The following ROBO2 variants were observed in gnomAD, a reference collection of about 807,000 sequenced individuals.
ROBO2 encodes roundabout homolog 2.
A neutral mutation model predicts 160.8 loss-of-function variants in ROBO2; 53 were observed. The observed-to-expected ratio is 0.33, with a 90% CI of 0.26 to 0.41. The LOEUF (loss-of-function observed/expected upper bound fraction) is 0.41. ROBO2 is among the 10% of genes least tolerant of loss of function. ROBO2 has a pLI of 1.00. For synonymous variants in ROBO2, 664 were observed against 611.7 expected (o/e 1.09, Z -1.26); for missense variants, 1,577 against 1,722.4 (o/e 0.92, Z 1.49).
intron 2 of ROBO2, among the ~76,000 whole-genome samples, chr3:76,954,038 C>A (rs1174304607): frequency 6.6e-6 from 1 of 152,106 alleles, no homozygotes; most frequent in African/African-American, 2.4e-5. Flanking sequence ...TACAACGAAA[C>A]GAGAGAAAAT....
In ROBO2 at chr3:76,162,680, C is replaced by G. The variant is rs556291596; in HGVS notation, c.109+225078C>G. ...GGAAATATAGGAATCATTTATAAGT[C>G]TATACTGCAAATAAAATGTAACTAT... On this transcript the variant is annotated intron_variant, in intron 2 of 26. Coordinates refer to the ROBO2 transcript ENST00000487694. Among the ~76,000 whole-genome samples, 3 of 152,144 alleles carry G rather than the reference C, an allele frequency of 2.0e-5. No individual in the cohort carries two copies. In the South Asian group the frequency reaches 6.2e-4, roughly 32 times the overall value.
At chr3:76,094,963 G>T (rs2069378588) in intron 2 of ROBO2, among the ~76,000 whole-genome samples, 1 of 152,138 alleles carries the variant, frequency 6.6e-6, no homozygotes. Flanking sequence ...TGAGTTAGGT[G>T]GCGGTAAAGC....
intron 2 of ROBO2, among the ~76,000 whole-genome samples, chr3:76,196,724 C>T (rs1374838509): frequency 2.6e-5 from 4 of 152,084 alleles, no homozygotes; most frequent in Admixed American, 6.6e-5. Context: ...TATATAATTA[C>T]ATCTGAGATG....
intron 2 of ROBO2, among the ~76,000 whole-genome samples, chr3:76,478,842 TA>T (rs1182429352): frequency 6.6e-6 from 1 of 152,024 alleles, no homozygotes; most frequent in African/African-American, 2.4e-5. Context: ...CTGGCTAATT[TA>T]TTTTCTGTAG....
intron 2 of ROBO2, among the ~76,000 whole-genome samples, chr3:77,323,924 T>A (rs1334919307): frequency 6.6e-6 from 1 of 152,222 alleles, no homozygotes; most frequent in Non-Finnish European, 1.5e-5. Context: ...GTACTTTTTT[T>A]AGGTCAATTT....
chr3:76,283,136 G>GTATATATATATATATATATATA (rs547807116), intron 2 of ROBO2, among the ~76,000 whole-genome samples: 7,219 of 63,306 alleles, frequency 0.11, 1,148 homozygotes, highest in Middle Eastern at 0.16. Flanking sequence ...ATATAAAACT[G>GTATATATATATATATATATATA]TATATATATA....
At chr3:76,669,679 A>G (rs1019299167) in intron 2 of ROBO2, among the ~76,000 whole-genome samples, 1 of 152,210 alleles carries the variant, frequency 6.6e-6, no homozygotes, top group Non-Finnish European at 1.5e-5. Flanking sequence ...GACGGGGACC[A>G]TAGTTCTCCC....
intron 2 of ROBO2, among the ~76,000 whole-genome samples, chr3:76,375,485 AAAG>A (rs2076297435): frequency 6.6e-6 from 1 of 152,058 alleles, no homozygotes; most frequent in South Asian, 2.1e-4. Flanking sequence ...AGGCAATTAT[AAAG>A]AAGAATGAGG....
intron 2 of ROBO2, among the ~76,000 whole-genome samples, chr3:77,277,566 T>G (rs2059972005): frequency 6.6e-6 from 1 of 152,148 alleles, no homozygotes; most frequent in African/African-American, 2.4e-5. Context: ...TGGTTTTCTG[T>G]TCCTGTGTTA....
At chr3:76,695,901 T>C (rs1471385329) in intron 2 of ROBO2, among the ~76,000 whole-genome samples, 1 of 152,202 alleles carries the variant, frequency 6.6e-6, no homozygotes, top group African/African-American at 2.4e-5. Flanking sequence ...CAGGCAGTAG[T>C]GCACATTTGA....
chr3:77,213,731 C>T (rs1413554519), intron 2 of ROBO2, among the ~76,000 whole-genome samples: 1 of 151,838 alleles, frequency 6.6e-6, no homozygotes, highest in African/African-American at 2.4e-5. Flanking sequence ...TATAAATTTC[C>T]CTCTACACAC....
intron 16 of ROBO2, among the ~76,000 whole-genome samples, chr3:77,585,538 T>A (rs2094023620): frequency 1.3e-5 from 2 of 152,118 alleles, no homozygotes; most frequent in Admixed American, 6.5e-5. Context: ...AAATAATATA[T>A]CTATCTTTTG....
intron 2 of ROBO2, 131 bp downstream of exon 2, chr3:77,098,471 C>G: frequency 1.1e-6 from 1 of 946,836 alleles, no homozygotes; most frequent in South Asian, 1.5e-5. Flanking sequence ...TGGTCTTCTT[C>G]AGAGAAGTCT....
intron 24 of ROBO2, among the ~76,000 whole-genome samples, chr3:77,640,328 T>C (rs995386665): frequency 2.6e-5 from 4 of 152,178 alleles, no homozygotes; most frequent in Non-Finnish European, 5.9e-5. Flanking sequence ...TTAGCCAGGA[T>C]GGTCTCGATC....
intron 2 of ROBO2, among the ~76,000 whole-genome samples, chr3:76,928,887 C>T (rs2077154194): frequency 6.6e-6 from 1 of 152,134 alleles, no homozygotes; most frequent in African/African-American, 2.4e-5. Flanking sequence ...AATCTCTGGC[C>T]AGACATCTTT....
At chr3:77,557,151 T>G (rs556801035) in intron 8 of ROBO2, among the ~76,000 whole-genome samples, 8 of 151,972 alleles carry the variant, frequency 5.3e-5, no homozygotes. Flanking sequence ...ACAAATACAG[T>G]ATTTCATAAA....
intron 1 of ROBO2, among the ~76,000 whole-genome samples, chr3:77,096,789 A>G (rs1271674149): frequency 6.6e-6 from 1 of 151,792 alleles, no homozygotes; most frequent in Non-Finnish European, 1.5e-5. Context: ...CCCCACTTTT[A>G]TTGCATTCAC....
At chr3:76,079,596 A>G (rs1223422735) in intron 2 of ROBO2, among the ~76,000 whole-genome samples, 2 of 149,854 alleles carry the variant, frequency 1.3e-5, no homozygotes, top group African/African-American at 4.9e-5. Flanking sequence ...CAATTCTCCC[A>G]CCTCAGCCTC....
intron 2 of ROBO2, among the ~76,000 whole-genome samples, chr3:77,433,520 T>TATATATATATATATATATATATATATA (rs1560820593): frequency 1.2e-5 from 1 of 83,986 alleles, no homozygotes; most frequent in African/African-American, 4.0e-5. Context: ...ATATATATAT[T>TATATATATATATATATATATATATATA]TCTCCTTCAT....
Sources: gnomAD v4.1 joint callset for allele counts (sites outside exome capture counted in the v4.1 genomes callset) on GRCh38, gnomAD v4.1.1 for gene constraint, MANE v1.5 for transcripts, NCBI Gene and HGNC (gene_info 2026-07-23, HGNC 2026-07-21) for gene names.